Variants in CBLN4 observed in about 807,000 individuals in gnomAD.
CBLN4 encodes the protein cerebellin 4 precursor.
Under a neutral mutation model 14.9 loss-of-function variants are expected in CBLN4, and 7 were observed. That is an observed-to-expected ratio of 0.47 (90% confidence interval 0.27 to 0.88). CBLN4 has a LOEUF of 0.88. Ranked by LOEUF, CBLN4 falls within the 40% of genes least tolerant of loss-of-function variation. The pLI is 0.14. For synonymous variants in CBLN4, 131 were observed against 116.5 expected (o/e 1.12, Z -0.80); for missense variants, 188 against 256.8 (o/e 0.73, Z 1.83).
At chr20:56,003,096 A>C (rs1986401772) in intron 1 of CBLN4, among the ~76,000 whole-genome samples, 1 of 152,154 alleles carries the variant, frequency 6.6e-6, no homozygotes, top group African/African-American at 2.4e-5. Context: ...CCCTACTCTC[A>C]TCAACCTCAA....
At position 56,004,381 on chromosome 20, in the gene CBLN4, G is replaced by C; in HGVS notation, c.-210C>G. ...CTCTCTCGCTGGCTCTGTTACCTTT[G>C]TCCTTTAAGGAGCTCATGCAGCACC... On this transcript the variant is annotated 5_prime_UTR_variant, in exon 1 of 3. Coordinates refer to ENST00000064571, the MANE Select transcript of CBLN4 (RefSeq NM_080617.6). The surrounding 1 kb of genome is among the most constrained non-coding windows in gnomAD (Gnocchi z 6.1). 1 of 504,736 alleles carries C rather than the reference G, an allele frequency of 2.0e-6. No homozygotes were observed. Among genetic ancestry groups the C allele is most frequent in the Non-Finnish European group, 3.4e-6 (1 of 295,890 alleles). The allele number at this position is 504,736 out of a possible 1,614,324, so 31.3% of individuals were successfully genotyped here.
Position 56,004,197 on chromosome 20 carries a change from C to T in CBLN4, c.-26G>A. 2 of 1,396,302 alleles carry T rather than the reference C, an allele frequency of 1.4e-6. No homozygotes were observed. The highest frequency in any genetic ancestry group is 1.8e-6 in the Non-Finnish European group (2 of 1,082,666). 86.5% of individuals were successfully genotyped at this position (1,396,302 alleles called of 1,614,324 possible). On this transcript the variant is annotated 5_prime_UTR_variant, in exon 1 of 3. Coordinates refer to ENST00000064571, the MANE Select transcript of CBLN4 (RefSeq NM_080617.6). This position sits in a 1 kb window ranked among gnomAD's most constrained non-coding sequence, Gnocchi z 6.1. ...GGTGAGCCGTGTGGGCAGCCGCAGC[C>T]GGCTGGCGCTGGTGCTCGCCCGCGT...
At chr20:56,001,991 A>T (rs1441634761) in intron 1 of CBLN4, among the ~76,000 whole-genome samples, 1 of 152,210 alleles carries the variant, frequency 6.6e-6, no homozygotes, top group African/African-American at 2.4e-5. Context: ...CTCATATATC[A>T]ATGGCAATCT....
At chr20:56,000,230 G>A (rs959388787) in intron 2 of CBLN4, among the ~76,000 whole-genome samples, 2 of 152,170 alleles carry the variant, frequency 1.3e-5, no homozygotes, top group Non-Finnish European at 2.9e-5. Flanking sequence ...ACAAGCATAC[G>A]CATAGAACAC....
Position 56,004,134 on chromosome 20 carries a change from G to GCCGGCACCGCGGACAGCGC in CBLN4, c.19_37dup (p.Ala13GlyfsTer98). On this transcript the variant is annotated frameshift_variant, in exon 1 of 3. Coordinates refer to ENST00000064571, the MANE Select transcript of CBLN4 (RefSeq NM_080617.6). LOFTEE classifies it high-confidence loss of function. The surrounding 1 kb of genome is among the most constrained non-coding windows in gnomAD (Gnocchi z 6.1). Reference sequence around the variant, plus strand: ...CGGCAGCGTGAGGACCAGCAGCACGGCCGGCACCGCGGACAGCGCCCGGCG... The same window carrying GCCGGCACCGCGGACAGCGC: ...CGGCAGCGTGAGGACCAGCAGCACGGCCGGCACCGCGGACAGCGCCCGGCACCGCGGACAGCGCCCGGCG... The GCCGGCACCGCGGACAGCGC allele has an allele frequency of 1.3e-6, 2 of 1,578,542 alleles. No homozygotes were observed. Among genetic ancestry groups the GCCGGCACCGCGGACAGCGC allele is most frequent in the Non-Finnish European group, 1.7e-6 (2 of 1,165,950 alleles).
At chr20:55,998,824 A>G (rs1986323046) in intron 2 of CBLN4, 70 bp from the exon 3 acceptor site, 1 of 1,172,784 alleles carries the variant, frequency 8.5e-7, no homozygotes, top group African/African-American at 1.5e-5. Flanking sequence ...GGGAGAATAA[A>G]TAATGTCTAA....
chr20:56,003,760 C>T lies in CBLN4; in HGVS notation c.291+121G>A. ...TCAGACCCAGGCATATTTGGGAAGGCGAGTGCTTTACATGATTCCCCATTT... is the reference window on the plus strand; with the variant it reads ...TCAGACCCAGGCATATTTGGGAAGGTGAGTGCTTTACATGATTCCCCATTT... On this transcript the variant is annotated intron_variant, in intron 1 of 2. Coordinates refer to ENST00000064571, the MANE Select transcript of CBLN4 (RefSeq NM_080617.6). 3.0e-6 allele frequency: 3 copies of T among 1,011,728 alleles called. No individual in the cohort carries two copies. The Admixed American group carries it at 7.2e-5, about 24-fold the overall frequency. 62.7% of individuals were successfully genotyped at this position (1,011,728 alleles called of 1,614,324 possible).
chr20:56,001,004 C>A (rs897031558), intron 1 of CBLN4, among the ~76,000 whole-genome samples, 157 bp from the exon 2 acceptor site: 1 of 151,314 alleles, frequency 6.6e-6, no homozygotes, highest in African/African-American at 2.4e-5. Flanking sequence ...TTCTTTTGTT[C>A]ATTCATTCAT....
In CBLN4 at chr20:56,004,238, G is replaced by T; in HGVS notation, c.-67C>A. On this transcript the variant is annotated 5_prime_UTR_variant, in exon 1 of 3. Transcript: ENST00000064571. This position sits in a 1 kb window ranked among gnomAD's most constrained non-coding sequence, Gnocchi z 6.1. ...TCGCCCGCGTCGCCTCCTACCCCGG[G>T]ATCCCGGTGCTCGGGAAGATGCTAG... 1 of 1,351,514 alleles carries T rather than the reference G, an allele frequency of 7.4e-7. No homozygotes were observed. Among genetic ancestry groups the T allele is most frequent in the Non-Finnish European group, 9.5e-7 (1 of 1,053,500 alleles). The allele number at this position is 1,351,514 out of a possible 1,614,324, so 83.7% of individuals were successfully genotyped here.
intron 2 of CBLN4, among the ~76,000 whole-genome samples, chr20:55,999,816 C>A (rs1451715370): frequency 6.6e-6 from 1 of 152,044 alleles, no homozygotes; most frequent in Non-Finnish European, 1.5e-5. Flanking sequence ...GCATACATTT[C>A]TAAATATTGG....
Position 56,003,899 on chromosome 20 carries a change from G to A in CBLN4, c.273C>T (p.Arg91=), listed in dbSNP as rs955548894. ...GTCTGACCTGATCGAAGTAAATGAT[G>A]CGCGTCTTGTTGCTCATCTCGGATG... is the stretch of plus-strand genomic sequence containing the variant. ...HEPSEMSNKT[R]IIYFDQILVN... is the part of the protein sequence containing the mutation. The change falls in exon 1 of 3, where the codon CGC becomes CGT. Residue 91 remains arginine, a synonymous_variant. Transcript: ENST00000064571. 1 of 1,612,010 alleles carries A rather than the reference G, an allele frequency of 6.2e-7. No individual in the cohort carries two copies. The highest frequency in any genetic ancestry group is 1.1e-5 in the South Asian group (1 of 90,732).
chr20:56,001,741 A>AT (rs1986376841), intron 1 of CBLN4, among the ~76,000 whole-genome samples: 1 of 152,214 alleles, frequency 6.6e-6, no homozygotes, highest in African/African-American at 2.4e-5. Flanking sequence ...GCAACAATGC[A>AT]TTTTGTATTC....
chr20:56,001,507 A>ATT (rs752544696), intron 1 of CBLN4, among the ~76,000 whole-genome samples: 2 of 148,212 alleles, frequency 1.3e-5, no homozygotes, highest in African/African-American at 5.0e-5. Flanking sequence ...ATCTGTTACC[A>ATT]TTTTTTTTTT....
chr20:55,998,794 T>C (rs1171721549), intron 2 of CBLN4, 40 bp from the exon 3 acceptor site: 2 of 1,493,910 alleles, frequency 1.3e-6, no homozygotes, highest in Admixed American at 3.4e-5. Flanking sequence ...AAGTTCTCTT[T>C]AAAGTCAAAA....
At position 55,998,876 on chromosome 20, in the gene CBLN4, T is replaced by A. The variant is rs987717864; in HGVS notation, c.409-122A>T. 2.8e-5 allele frequency: 20 copies of A among 724,542 alleles called. No individual in the cohort carries two copies. In the African/African-American group the frequency reaches 3.0e-4, roughly 11 times the overall value. 44.9% of individuals were successfully genotyped at this position (724,542 alleles called of 1,614,324 possible). A position where few individuals can be genotyped will look rare whatever the true frequency, so the allele number is the denominator to read the frequency against. On this transcript the variant is annotated intron_variant, in intron 2 of 2. Coordinates refer to ENST00000064571, the MANE Select transcript of CBLN4 (RefSeq NM_080617.6). The stretch of plus-strand genomic sequence containing the variant: ...AAATACCTGATGTTCAGGAAATATA[T>A]TCCCTTCCTTTCAAATTAGCCAATT...
rs1178362305 is a variant in CBLN4, at chr20:55,997,742, A to T, written c.*815T>A. On this transcript the variant is annotated 3_prime_UTR_variant, in exon 3 of 3. Transcript: ENST00000064571. ...GGTTTTTAATAAAGTGGTTATTATC[A>T]ATCATTTTAATTAAAGTTGAGCAAT... The T allele has an allele frequency of 6.6e-6, 1 of 152,546 alleles. No individual in the cohort carries two copies. The highest frequency in any genetic ancestry group is 1.5e-5 in the Non-Finnish European group (1 of 68,010). The allele number at this position is 152,546 out of a possible 1,614,324, so 9.4% of individuals were successfully genotyped here. A position where few individuals can be genotyped will look rare whatever the true frequency, so the allele number is the denominator to read the frequency against.
rs1407256609 is a variant in CBLN4, at chr20:55,999,973, A to G, written c.408+758T>C. ...GTATTAATAGATAAGCATGTAATCTATCATTCATATTGACATAATGTATAA... is the reference window on the plus strand; with the variant it reads ...GTATTAATAGATAAGCATGTAATCTGTCATTCATATTGACATAATGTATAA... On this transcript the variant is annotated intron_variant, in intron 2 of 2. Coordinates refer to ENST00000064571, the MANE Select transcript of CBLN4 (RefSeq NM_080617.6). Among the ~76,000 whole-genome samples, 4 of 152,270 alleles carry G rather than the reference A, an allele frequency of 2.6e-5. No homozygotes were observed. The East Asian group carries it at 7.7e-4, about 29-fold the overall frequency.
intron 2 of CBLN4, 51 bp from the exon 3 acceptor site, chr20:55,998,805 C>T (rs746304633): frequency 7.5e-7 from 1 of 1,334,254 alleles, no homozygotes; most frequent in East Asian, 2.4e-5. Flanking sequence ...AAAGTCAAAA[C>T]ATCTACTGGG....
Position 55,998,656 on chromosome 20 carries a change from T to G in CBLN4, c.507A>C (p.Leu169=). ...EAATNGVLLY[L]DKEDKVYLKL... ...TTAGGTAAACCTTATCCTCTTTATC[T>G]AGGTAGAGCAGGACACCATTCGTGG... The change falls in exon 3 of 3, where the codon CTA becomes CTC. Residue 169 remains leucine (L), a synonymous_variant. Transcript: ENST00000064571. The G allele has an allele frequency of 6.2e-7, 1 of 1,614,134 alleles. No homozygotes were observed. The highest frequency in any genetic ancestry group is 8.5e-7 in the Non-Finnish European group (1 of 1,179,984).
Sources: allele counts gnomAD v4.1 joint callset (sites outside exome capture counted in the v4.1 genomes callset), GRCh38; gene constraint gnomAD v4.1.1; non-coding constraint Gnocchi (gnomAD v3.1); transcripts MANE v1.5; gene names NCBI Gene and HGNC (gene_info 2026-07-23, HGNC 2026-07-21).